The following TBC1D19 variants were observed in gnomAD, a reference collection of about 807,000 sequenced individuals.
The protein encoded by TBC1D19 is TBC1 domain family member 19, also known as TBC1 domain family, member 19.
Under a neutral mutation model 89.0 loss-of-function variants are expected in TBC1D19, and 60 were observed. The observed-to-expected ratio is 0.67, with a 90% CI of 0.55 to 0.84. TBC1D19 has a LOEUF of 0.84. TBC1D19 is among the 40% of genes least tolerant of loss of function. The pLI, the probability that TBC1D19 is intolerant of heterozygous loss-of-function variation, is 0.00. For missense variants in TBC1D19, 500 were observed against 610.8 expected (o/e 0.82, Z 1.91); for synonymous variants, 189 against 199.7 (o/e 0.95, Z 0.45).
At chr4:26,648,941 T>C (rs1744140322) in intron 7 of TBC1D19, among the ~76,000 whole-genome samples, 1 of 152,084 alleles carries the variant, frequency 6.6e-6, no homozygotes, top group Non-Finnish European at 1.5e-5. Flanking sequence ...CTTTTTAAAA[T>C]TACGAATATT....
intron 6 of TBC1D19, among the ~76,000 whole-genome samples, chr4:26,639,917 T>C (rs1010959032): frequency 1.3e-5 from 2 of 152,212 alleles, no homozygotes; most frequent in Non-Finnish European, 2.9e-5. Context: ...AATTTGTGAA[T>C]AGGATGCTCT....
intron 7 of TBC1D19, among the ~76,000 whole-genome samples, chr4:26,643,030 T>A (rs376202275): frequency 1.3e-5 from 2 of 152,178 alleles, no homozygotes; most frequent in East Asian, 3.9e-4. Context: ...AGACAGAAGG[T>A]TAACAAGGAT....
At chr4:26,622,993 C>T (rs950771077) in intron 4 of TBC1D19, among the ~76,000 whole-genome samples, 3 of 152,128 alleles carry the variant, frequency 2.0e-5, no homozygotes, top group African/African-American at 7.2e-5. Flanking sequence ...TAACCATGGC[C>T]ATACTGATTA....
intron 3 of TBC1D19, among the ~76,000 whole-genome samples, chr4:26,617,321 A>G (rs571440058): frequency 3.9e-5 from 6 of 152,254 alleles, no homozygotes; most frequent in Non-Finnish European, 8.8e-5. Context: ...GCAAATTTTA[A>G]CATGAGTTTT....
intron 1 of TBC1D19, among the ~76,000 whole-genome samples, chr4:26,597,752 A>G (rs1429883580): frequency 6.6e-6 from 1 of 151,930 alleles, no homozygotes; most frequent in African/African-American, 2.4e-5. Flanking sequence ...ACTCACATCT[A>G]TATGGTTTTA....
At chr4:26,759,996 A>G (rs1719405528), downstream of TBC1D19, among the ~76,000 whole-genome samples, 1 of 152,140 alleles carries the variant, frequency 6.6e-6, no homozygotes, top group Non-Finnish European at 1.5e-5. Context: ...TTTCTGGGTT[A>G]TGTGTAAGCA....
intron 4 of TBC1D19, among the ~76,000 whole-genome samples, chr4:26,636,370 A>C (rs949779915): frequency 2.6e-5 from 4 of 151,964 alleles, no homozygotes; most frequent in Non-Finnish European, 4.4e-5. Context: ...CCATGTTATA[A>C]GAAATAGAAG....
intron 7 of TBC1D19, among the ~76,000 whole-genome samples, chr4:26,645,975 T>G (rs1272157737): frequency 6.7e-6 from 1 of 150,272 alleles, no homozygotes. Flanking sequence ...TACAAAAAAT[T>G]AGCCGGGCGT....
chr4:26,625,516 A>C (rs1212686885), intron 4 of TBC1D19, among the ~76,000 whole-genome samples: 1 of 152,172 alleles, frequency 6.6e-6, no homozygotes, highest in Non-Finnish European at 1.5e-5. Context: ...CATTATTATG[A>C]ACTTAAGTCC....
intron 15 of TBC1D19, among the ~76,000 whole-genome samples, chr4:26,723,788 G>C (rs915243647): frequency 6.6e-6 from 1 of 152,144 alleles, no homozygotes; most frequent in African/African-American, 2.4e-5. Flanking sequence ...TTGTAGGAGG[G>C]TGATCCACAG....
intron 15 of TBC1D19, among the ~76,000 whole-genome samples, chr4:26,731,996 C>T (rs1185379350): frequency 6.6e-6 from 1 of 151,900 alleles, no homozygotes; most frequent in African/African-American, 2.4e-5. Context: ...AAGTAGGGTC[C>T]GGGAAAAAAA....
chr4:26,683,620 C>G, intron 11 of TBC1D19, 55 bp from the exon 12 acceptor site: 1 of 1,426,772 alleles, frequency 7.0e-7, no homozygotes, highest in Non-Finnish European at 9.8e-7. Context: ...GAGTTTAAGG[C>G]TGACTTTATA....
the TBC1D19 span, among the ~76,000 whole-genome samples, chr4:26,801,419 T>A: frequency 6.6e-6 from 1 of 152,172 alleles, no homozygotes; most frequent in Non-Finnish European, 1.5e-5. Context: ...AGCCTTGTAG[T>A]ATAGTTTGAA....
Position 26,734,979 on chromosome 4 carries a change from TA to T in TBC1D19, c.1085-475del, listed in dbSNP as rs1252964352. On this transcript the variant is annotated intron_variant, in intron 15 of 20. Coordinates refer to ENST00000264866, the MANE Select transcript of TBC1D19 (RefSeq NM_018317.4). ...ATGTATATGTATATATGTATACACA[TA>T]TGTATATGTATATATGTATACACAT... is the stretch of plus-strand genomic sequence containing the variant. Among the ~76,000 whole-genome samples the T allele has an allele frequency of 9.6e-4, 144 of 149,424 alleles. 1 individual carries two copies. The highest frequency in any genetic ancestry group is 1.7e-3 in the Non-Finnish European group (113 of 67,462).
chr4:26,712,300 G>A (rs879745744), intron 13 of TBC1D19, among the ~76,000 whole-genome samples: 5 of 152,046 alleles, frequency 3.3e-5, no homozygotes, highest in African/African-American at 4.8e-5. Flanking sequence ...TGGCAGGGCT[G>A]TGTTACTTGT....
intron 4 of TBC1D19, 22 bp from the exon 5 acceptor site, chr4:26,637,189 T>C: frequency 6.5e-7 from 1 of 1,530,594 alleles, no homozygotes; most frequent in Admixed American, 1.7e-5. Context: ...GAAAAGATAA[T>C]TGATTGTTTT....
At chr4:26,753,429 A>G (rs1719088808) in intron 19 of TBC1D19, among the ~76,000 whole-genome samples, 2 of 152,234 alleles carry the variant, frequency 1.3e-5, no homozygotes, top group Non-Finnish European at 1.5e-5. Flanking sequence ...CAGGAATTCA[A>G]GACCAGCCTA....
At chr4:26,648,950 T>G (rs1033138270) in intron 7 of TBC1D19, among the ~76,000 whole-genome samples, 1 of 152,082 alleles carries the variant, frequency 6.6e-6, no homozygotes, top group African/African-American at 2.4e-5. Flanking sequence ...ATTACGAATA[T>G]TTTAAATAAT....
At chr4:26,794,890 T>A in the TBC1D19 span, among the ~76,000 whole-genome samples, 2 of 152,234 alleles carry the variant, frequency 1.3e-5, no homozygotes, top group African/African-American at 4.8e-5. Flanking sequence ...TGTTCCCTGG[T>A]GTGAACCTGG....
Sources: gnomAD v4.1 joint callset for allele counts (sites outside exome capture counted in the v4.1 genomes callset) on GRCh38, gnomAD v4.1.1 for gene constraint, MANE v1.5 for transcripts, NCBI Gene and HGNC (gene_info 2026-07-23, HGNC 2026-07-21) for gene names.